PHACTR3: variants seen among roughly 807,000 people sequenced by gnomAD.
PHACTR3 encodes phosphatase and actin regulator 3.
Under a neutral mutation model 66.8 loss-of-function variants are expected in PHACTR3, and 16 were observed. That is an observed-to-expected ratio of 0.24 (90% CI 0.16 to 0.36). The LOEUF (loss-of-function observed/expected upper bound fraction) is 0.36, where lower values mean the gene tolerates loss of function less well. Among genes scored for constraint, PHACTR3 ranks in the 10% least tolerant of loss-of-function variants. The pLI is 1.00. For synonymous variants in PHACTR3, 323 were observed against 292.1 expected (o/e 1.11, Z -1.08); for missense variants, 647 against 719.9 (o/e 0.90, Z 1.16).
At chr20:59,828,394 T>G (rs144368253) in intron 8 of PHACTR3, among the ~76,000 whole-genome samples, 5 of 152,376 alleles carry the variant, frequency 3.3e-5, no homozygotes, top group African/African-American at 1.2e-4. Flanking sequence ...CATTGTGTGC[T>G]GTGTCACCCA....
intron 1 of PHACTR3, among the ~76,000 whole-genome samples, chr20:59,659,197 A>G (rs775072459): frequency 6.6e-6 from 1 of 151,894 alleles, no homozygotes; most frequent in Non-Finnish European, 1.5e-5. Context: ...ATCTTCTTCT[A>G]TTGTCTGTTT....
At chr20:59,845,493 A>T (rs932079769) in intron 12 of PHACTR3, among the ~76,000 whole-genome samples, 7 of 152,162 alleles carry the variant, frequency 4.6e-5, no homozygotes, top group Non-Finnish European at 7.4e-5. Context: ...GGTTTATTTA[A>T]GTAGTTAATG....
intron 1 of PHACTR3, among the ~76,000 whole-genome samples, chr20:59,666,265 A>T (rs915147129): frequency 6.6e-6 from 1 of 152,190 alleles, no homozygotes; most frequent in Non-Finnish European, 1.5e-5. Flanking sequence ...CCTGCGCCAC[A>T]TCTCCTGTTC....
In PHACTR3 at chr20:59,604,726, A is replaced by C; in HGVS notation, c.-289A>C. 9.4e-7 allele frequency: 1 copy of C among 1,065,874 alleles called. No homozygotes were observed. Among genetic ancestry groups the C allele is most frequent in the Non-Finnish European group, 1.1e-6 (1 of 884,342 alleles). The allele number at this position is 1,065,874 out of a possible 1,614,324, so 66.0% of individuals were successfully genotyped here. A position where few individuals can be genotyped will look rare whatever the true frequency, so the allele number is the denominator to read the frequency against. On this transcript the variant is annotated 5_prime_UTR_variant, in exon 1 of 13. Transcript: ENST00000371015. Reference sequence around the variant, plus strand: ...GTTCAACTTTTTTTTTTTTCCCTGGAATATAGACTGAAGAATGGGAATAAA... The same window carrying C: ...GTTCAACTTTTTTTTTTTTCCCTGGCATATAGACTGAAGAATGGGAATAAA...
intron 8 of PHACTR3, among the ~76,000 whole-genome samples, chr20:59,831,635 C>T (rs1372833226): frequency 1.3e-5 from 2 of 152,182 alleles, no homozygotes; most frequent in Non-Finnish European, 2.9e-5. Context: ...CCCCGCCCCA[C>T]CCCTCTGCAG....
At chr20:59,803,425 ACTT>A in intron 7 of PHACTR3, among the ~76,000 whole-genome samples, 1 of 152,204 alleles carries the variant, frequency 6.6e-6, no homozygotes, top group East Asian at 1.9e-4. Context: ...CTAAGCAATG[ACTT>A]CTTTTTTTAT....
chr20:59,585,964 G>A (rs530088306), intron 1 of PHACTR3, among the ~76,000 whole-genome samples: 6 of 152,294 alleles, frequency 3.9e-5, no homozygotes, highest in South Asian at 4.1e-4. Context: ...AAAACATGTC[G>A]TATTTTTAGA....
At chr20:59,646,001 T>A (rs1389964033) in intron 1 of PHACTR3, among the ~76,000 whole-genome samples, 1 of 151,904 alleles carries the variant, frequency 6.6e-6, no homozygotes, top group Non-Finnish European at 1.5e-5. Flanking sequence ...CTGCCTGGAG[T>A]GTTGGCAGGT....
At chr20:59,786,262 G>A (rs952494589) in intron 7 of PHACTR3, among the ~76,000 whole-genome samples, 1 of 152,238 alleles carries the variant, frequency 6.6e-6, no homozygotes, top group Non-Finnish European at 1.5e-5. Context: ...CATTCAGTTT[G>A]CCCACTTGGG....
intron 1 of PHACTR3, among the ~76,000 whole-genome samples, chr20:59,669,212 G>A (rs1320851398): frequency 6.6e-6 from 1 of 152,140 alleles, no homozygotes; most frequent in Non-Finnish European, 1.5e-5. Context: ...TGGAGGGAGA[G>A]CCCTCAGTGT....
intron 8 of PHACTR3, among the ~76,000 whole-genome samples, chr20:59,826,198 G>T (rs960248320): frequency 3.2e-4 from 48 of 152,068 alleles, no homozygotes; most frequent in Non-Finnish European, 2.9e-4. Flanking sequence ...TCAGTGGGGT[G>T]GGGGAGGGGA....
intron 12 of PHACTR3, 27 bp downstream of exon 12, chr20:59,845,292 G>C (rs2059128596): frequency 2.7e-6 from 4 of 1,494,244 alleles, no homozygotes; most frequent in Admixed American, 1.7e-5. Context: ...TGAATTTCAT[G>C]GTACTTATTT....
In PHACTR3 at chr20:59,739,600, C is replaced by T. The variant is rs112821892; in HGVS notation, c.119-3507C>T. Among the ~76,000 whole-genome samples the T allele has an allele frequency of 5.8e-3, 883 of 152,218 alleles. 8 individuals are homozygous for T. Among genetic ancestry groups the T allele is most frequent in the African/African-American group, 0.02 (831 of 41,556 alleles). ...AACCAACAGATCTCAAGAGAACTCA[C>T]TCAATATCATGCGGACAGCATGGGG... On this transcript the variant is annotated intron_variant, in intron 1 of 12. Coordinates refer to ENST00000371015, the MANE Select transcript of PHACTR3 (RefSeq NM_080672.5).
At chr20:59,758,000 A>T (rs816255) in intron 4 of PHACTR3, among the ~76,000 whole-genome samples, 115,072 of 151,982 alleles carry the variant, frequency 0.76, 43,779 homozygotes, top group South Asian at 0.83. Context: ...AGCCCACAGA[A>T]TGGAGAGAGA....
chr20:59,698,513 T>C (rs544998808), intron 1 of PHACTR3, among the ~76,000 whole-genome samples: 56 of 152,308 alleles, frequency 3.7e-4, no homozygotes, highest in African/African-American at 1.3e-3. Flanking sequence ...CACCAGATGA[T>C]AGCTTCAATA....
At chr20:59,776,342 C>T (rs1334299324) in intron 7 of PHACTR3, among the ~76,000 whole-genome samples, 4 of 152,198 alleles carry the variant, frequency 2.6e-5, no homozygotes, top group Non-Finnish European at 5.9e-5. Flanking sequence ...TCATGCAGCT[C>T]GTTGGTGCCA....
intron 1 of PHACTR3, among the ~76,000 whole-genome samples, chr20:59,684,722 C>A (rs188944690): frequency 2.6e-5 from 4 of 152,336 alleles, no homozygotes; most frequent in East Asian, 1.9e-4. Flanking sequence ...GGGCTGGGAG[C>A]CCCTAGAGAG....
At chr20:59,788,277 C>T (rs935107882) in intron 7 of PHACTR3, among the ~76,000 whole-genome samples, 22 of 152,186 alleles carry the variant, frequency 1.4e-4, no homozygotes, top group Admixed American at 1.4e-3. Context: ...CGTACAGATG[C>T]GTTTTTCTCT....
chr20:59,727,983 A>C (rs573959474), intron 1 of PHACTR3, among the ~76,000 whole-genome samples: 1 of 152,314 alleles, frequency 6.6e-6, no homozygotes, highest in African/African-American at 2.4e-5. Flanking sequence ...CAAATACCCA[A>C]TGGATAGGGG....
Sources: gnomAD v4.1 joint callset for allele counts (sites outside exome capture counted in the v4.1 genomes callset) on GRCh38, gnomAD v4.1.1 for gene constraint, MANE v1.5 for transcripts, NCBI Gene and HGNC (gene_info 2026-07-23, HGNC 2026-07-21) for gene names.